ARID2: variants seen among roughly 807,000 people sequenced by gnomAD.
ARID2 encodes AT-rich interaction domain 2.
ARID2 carries 32 observed loss-of-function variants against 184.6 expected under a neutral mutation model. The observed-to-expected ratio is 0.17, with a 90% CI of 0.13 to 0.23. The LOEUF (loss-of-function observed/expected upper bound fraction) is 0.23, where lower values mean the gene tolerates loss of function less well. Ranked by LOEUF, ARID2 falls within the 10% of genes least tolerant of loss-of-function variation. The pLI is 1.00. For missense variants in ARID2, 1,696 were observed against 2,197.6 expected (o/e 0.77, Z 4.56); for synonymous variants, 836 against 772.6 (o/e 1.08, Z -1.36).
chr12:45,817,716 A>G lies in ARID2; in HGVS notation c.465A>G (p.Pro155=), dbSNP rs745393768. 2 of 1,612,424 alleles carry G rather than the reference A, an allele frequency of 1.2e-6. No homozygotes were observed. The highest frequency in any genetic ancestry group is 1.7e-6 in the Non-Finnish European group (2 of 1,179,794). The change falls in exon 5 of 21, where the codon CCA becomes CCG. Residue 155 remains proline (P), a synonymous_variant. Coordinates refer to ENST00000334344, the MANE Select transcript of ARID2 (RefSeq NM_152641.4). ...GGCTGTCCATGGACTTTAATTCGCC[A>G]AATGATTATAATAAATTGGTGCTTT... ...SYGLSMDFNS[P]NDYNKLVLSL...
At chr12:45,799,950 A>G (rs1196359371) in intron 3 of ARID2, among the ~76,000 whole-genome samples, 2 of 152,128 alleles carry the variant, frequency 1.3e-5, no homozygotes, top group African/African-American at 2.4e-5. Flanking sequence ...CCCAGGCTCA[A>G]GTGATTCTCC....
In ARID2 at chr12:45,907,548, C is replaced by G. The variant is rs954700563; in HGVS notation, c.*2470C>G. On this transcript the variant is annotated 3_prime_UTR_variant, in exon 21 of 21. Transcript: ENST00000334344. ...CCTAATGAAACTGATCATGGCTTCC[C>G]ACTTAGGTTTTTCTTCTTATAGCTT... is the stretch of plus-strand genomic sequence containing the variant. 8.6e-6 allele frequency: 2 copies of G among 233,084 alleles called. No homozygotes were observed. The highest frequency in any genetic ancestry group is 4.4e-5 in the African/African-American group (2 of 45,292). The allele number at this position is 233,084 out of a possible 1,614,324, so 14.4% of individuals were successfully genotyped here. A position where few individuals can be genotyped will look rare whatever the true frequency, so the allele number is the denominator to read the frequency against.
At chr12:45,798,207 T>C (rs1193336915) in intron 3 of ARID2, among the ~76,000 whole-genome samples, 1 of 137,346 alleles carries the variant, frequency 7.3e-6, no homozygotes, top group Non-Finnish European at 1.6e-5. Context: ...TGTTTGAACG[T>C]GTTTTTTTTT....
At chr12:45,885,123 T>G (rs901088499) in intron 16 of ARID2, among the ~76,000 whole-genome samples, 5 of 151,628 alleles carry the variant, frequency 3.3e-5, no homozygotes, top group Admixed American at 6.6e-5. Flanking sequence ...TGGGTTAGCC[T>G]CTCACCAAGG....
chr12:45,893,143 AC>A (rs1312588282), intron 18 of ARID2, among the ~76,000 whole-genome samples: 3 of 152,202 alleles, frequency 2.0e-5, no homozygotes, highest in Admixed American at 2.0e-4. Flanking sequence ...TTGCATACTT[AC>A]CCAATACAGT....
rs774328835 is a variant in ARID2, at chr12:45,846,889, C to T, written c.1532C>T (p.Pro511Leu). 1 of 1,613,050 alleles carries T rather than the reference C, an allele frequency of 6.2e-7. No homozygotes were observed. Among genetic ancestry groups the T allele is most frequent in the Non-Finnish European group, 8.5e-7 (1 of 1,179,328 alleles). The change falls in exon 12 of 21, where the codon CCA becomes CTA. Residue 511 changes from proline to leucine, a missense_variant. Pro to Leu is a moderately conservative substitution (Grantham distance 98). Coordinates refer to ENST00000334344, the MANE Select transcript of ARID2 (RefSeq NM_152641.4). ...GCAGTTGTAGCGCAGCATGTTGCTC[C>T]ACCTCCAGGAATAGTGGAAATAGAT... ...SRAVVAQHVA[P>L]PPGIVEIDSE...
chr12:45,868,390 G>A (rs573964567), intron 16 of ARID2, among the ~76,000 whole-genome samples: 60 of 152,242 alleles, frequency 3.9e-4, no homozygotes, highest in Admixed American at 7.8e-4. Flanking sequence ...GCAGCAAGCC[G>A]AGATTGTGCC....
At chr12:45,826,366 AAGAG>A (rs377521701) in intron 6 of ARID2, among the ~76,000 whole-genome samples, 2 of 151,116 alleles carry the variant, frequency 1.3e-5, no homozygotes, top group Non-Finnish European at 3.0e-5. Context: ...ATAGTGGGAA[AAGAG>A]AGAGAGAGAG....
At chr12:45,773,712 A>G (rs1406872735) in intron 3 of ARID2, among the ~76,000 whole-genome samples, 1 of 152,164 alleles carries the variant, frequency 6.6e-6, no homozygotes, top group East Asian at 1.9e-4. Context: ...AAATAGACCT[A>G]TAACAAATAA....
At chr12:45,814,098 G>C (rs936039071) in intron 4 of ARID2, among the ~76,000 whole-genome samples, 1 of 152,074 alleles carries the variant, frequency 6.6e-6, no homozygotes, top group Non-Finnish European at 1.5e-5. Flanking sequence ...GTTTCAAGAA[G>C]GAAGATATAA....
At position 45,891,807 on chromosome 12, in the gene ARID2, C is replaced by T. The variant is rs1242397830; in HGVS notation, c.4950C>T (p.Phe1650=). ...KKWFQTPSQV[F]YHAATEHGGK... The stretch of plus-strand genomic sequence containing the variant: ...GGTTTCAGACACCCTCACAGGTTTT[C>T]TACCATGCAGCAACTGAACATGGAG... Residue 1650 remains phenylalanine (F), a synonymous_variant, in exon 17 of 21, where the codon TTC becomes TTT. Coordinates refer to ENST00000334344, the MANE Select transcript of ARID2 (RefSeq NM_152641.4). 1 of 1,614,020 alleles carries T rather than the reference C, an allele frequency of 6.2e-7. No homozygotes were observed.
chr12:45,839,078 A>G (rs1943281191), intron 10 of ARID2, among the ~76,000 whole-genome samples: 1 of 151,054 alleles, frequency 6.6e-6, no homozygotes, highest in South Asian at 2.1e-4. Flanking sequence ...GTTAGCCAGG[A>G]TGATCTCAAT....
intron 5 of ARID2, among the ~76,000 whole-genome samples, chr12:45,818,195 A>G (rs1230838907): frequency 6.6e-6 from 1 of 152,124 alleles, no homozygotes; most frequent in Non-Finnish European, 1.5e-5. Context: ...TCTGGAAGAA[A>G]TTGTTTTCTG....
At chr12:45,765,479 G>A (rs1941755295) in intron 3 of ARID2, among the ~76,000 whole-genome samples, 1 of 150,598 alleles carries the variant, frequency 6.6e-6, no homozygotes, top group South Asian at 2.1e-4. Context: ...CTAAAGTGTT[G>A]GAATTAGAGG....
intron 12 of ARID2, among the ~76,000 whole-genome samples, chr12:45,847,347 C>T (rs767736431): frequency 1.2e-4 from 19 of 152,004 alleles, no homozygotes; most frequent in African/African-American, 4.6e-4. Context: ...TAAAATGTCT[C>T]TTCTCTTCCA....
intron 20 of ARID2, among the ~76,000 whole-genome samples, chr12:45,894,504 T>C (rs1033818797): frequency 2.0e-5 from 3 of 151,948 alleles, no homozygotes; most frequent in Non-Finnish European, 4.4e-5. Flanking sequence ...TTTTATGATA[T>C]TTTTTTTGCA....
intron 3 of ARID2, among the ~76,000 whole-genome samples, chr12:45,750,634 T>TA (rs1941446098): frequency 6.6e-6 from 1 of 151,802 alleles, no homozygotes; most frequent in Non-Finnish European, 1.5e-5. Context: ...TTTTGCAAAG[T>TA]AACTACTATT....
At chr12:45,770,932 G>A (rs1011638676) in intron 3 of ARID2, among the ~76,000 whole-genome samples, 1 of 151,972 alleles carries the variant, frequency 6.6e-6, no homozygotes, top group Non-Finnish European at 1.5e-5. Context: ...TGGGAGTGGG[G>A]TTTCACCAGG....
At chr12:45,782,143 G>C (rs545680867) in intron 3 of ARID2, among the ~76,000 whole-genome samples, 1 of 152,134 alleles carries the variant, frequency 6.6e-6, no homozygotes, top group African/African-American at 2.4e-5. Context: ...GCTATAAATT[G>C]AAATTGTGGA....
Sources: allele counts gnomAD v4.1 joint callset (sites outside exome capture counted in the v4.1 genomes callset), GRCh38; gene constraint gnomAD v4.1.1; transcripts MANE v1.5; gene names NCBI Gene and HGNC (gene_info 2026-07-23, HGNC 2026-07-21).